ZNF385D: variants seen among roughly 807,000 people sequenced by gnomAD.
The protein encoded by ZNF385D is zinc finger protein 385D.
A neutral mutation model predicts 35.8 loss-of-function variants in ZNF385D; 15 were observed. The ratio of observed to expected loss-of-function variants is 0.42; its 90% confidence interval spans 0.28 to 0.64. The LOEUF (loss-of-function observed/expected upper bound fraction) is 0.64, where lower values mean the gene tolerates loss of function less well. Ranked by LOEUF, ZNF385D falls within the 30% of genes least tolerant of loss-of-function variation. ZNF385D has a pLI of 0.23. For synonymous variants in ZNF385D, 212 were observed against 186.8 expected, an observed-to-expected ratio of 1.13 and a Z score of -1.10; for missense variants, 474 against 494.6, an observed-to-expected ratio of 0.96 and a Z score of 0.39.
At chr3:21,964,470 A>ATTTT (rs377650103) in intron 3 of ZNF385D, among the ~76,000 whole-genome samples, 30 of 68,164 alleles carry the variant, frequency 4.4e-4, no homozygotes, top group South Asian at 1.1e-3. Flanking sequence ...AATTTCTCAG[A>ATTTT]TTTTTTTTTT....
At chr3:22,112,339 T>G (rs1326168984) in intron 3 of ZNF385D, among the ~76,000 whole-genome samples, 2 of 152,082 alleles carry the variant, frequency 1.3e-5, no homozygotes, top group Admixed American at 6.6e-5. Flanking sequence ...TGCCTAACAA[T>G]TTTAGACCAG....
chr3:21,922,435 G>C (rs1466323849), intron 3 of ZNF385D, among the ~76,000 whole-genome samples: 4 of 152,038 alleles, frequency 2.6e-5, no homozygotes, highest in Admixed American at 2.6e-4. Context: ...TGGTACAAAA[G>C]CAGATACATA....
chr3:21,731,041 T>C (rs2068973233), intron 1 of ZNF385D, among the ~76,000 whole-genome samples: 2 of 152,200 alleles, frequency 1.3e-5, no homozygotes, highest in Non-Finnish European at 2.9e-5. Context: ...ATATTCCTAT[T>C]AAAAAGCTTA....
intron 2 of ZNF385D, among the ~76,000 whole-genome samples, chr3:22,257,863 T>G (rs1476435266): frequency 6.6e-6 from 1 of 151,896 alleles, no homozygotes; most frequent in Admixed American, 6.6e-5. Flanking sequence ...CACAATTTTG[T>G]ATCAAGTTAT....
At chr3:22,060,627 A>G (rs1360928186) in intron 3 of ZNF385D, among the ~76,000 whole-genome samples, 1 of 152,136 alleles carries the variant, frequency 6.6e-6, no homozygotes, top group African/African-American at 2.4e-5. Context: ...TTCATTTTAG[A>G]TCTCACTTAA....
chr3:21,675,959 T>G (rs1433466397), intron 1 of ZNF385D, among the ~76,000 whole-genome samples: 2 of 152,106 alleles, frequency 1.3e-5, no homozygotes, highest in Non-Finnish European at 2.9e-5. Context: ...TCTAAGAACA[T>G]TCACTTGATT....
At chr3:22,154,902 G>A (rs1705490795) in intron 3 of ZNF385D, among the ~76,000 whole-genome samples, 1 of 152,058 alleles carries the variant, frequency 6.6e-6, no homozygotes, top group Admixed American at 6.6e-5. Context: ...GATATCAAAA[G>A]GAGCATGATA....
intron 3 of ZNF385D, among the ~76,000 whole-genome samples, chr3:22,023,655 C>G (rs1246317892): frequency 6.7e-6 from 1 of 149,630 alleles, no homozygotes; most frequent in African/African-American, 2.5e-5. Flanking sequence ...AGCAGCAAAG[C>G]AATGCTTTTT....
At chr3:22,257,698 T>C (rs1018526465) in intron 2 of ZNF385D, among the ~76,000 whole-genome samples, 2 of 151,876 alleles carry the variant, frequency 1.3e-5, no homozygotes, top group Admixed American at 1.3e-4. Context: ...CCACAATGCC[T>C]TTTAAATATT....
At position 21,855,004 on chromosome 3, in the gene ZNF385D, C is replaced by T. The variant is rs74733922; in HGVS notation, c.326-189976G>A. On this transcript the variant is annotated intron_variant, in intron 3 of 5. Coordinates refer to the ZNF385D transcript ENST00000494108. Reference sequence around the variant, plus strand: ...GAAAGATGTGACTGGCTGGCACTCACATCTATACAACATGATTTTTACCCA... The same window carrying T: ...GAAAGATGTGACTGGCTGGCACTCATATCTATACAACATGATTTTTACCCA... Among the ~76,000 whole-genome samples the T allele has an allele frequency of 2.0e-5, 3 of 151,992 alleles. No homozygotes were observed. The East Asian group carries it at 5.8e-4, about 30-fold the overall frequency.
intron 2 of ZNF385D, among the ~76,000 whole-genome samples, chr3:22,202,006 T>G (rs1696830123): frequency 6.6e-6 from 1 of 152,020 alleles, no homozygotes; most frequent in Non-Finnish European, 1.5e-5. Context: ...AACATTTAGT[T>G]AAGGTTTCTA....
chr3:21,586,297 T>C (rs977188385), intron 2 of ZNF385D, among the ~76,000 whole-genome samples: 1 of 152,162 alleles, frequency 6.6e-6, no homozygotes, highest in Non-Finnish European at 1.5e-5. Flanking sequence ...CATTACTGTT[T>C]TTATCTTGAA....
At chr3:21,913,007 T>G (rs1195269171) in intron 3 of ZNF385D, among the ~76,000 whole-genome samples, 2 of 152,122 alleles carry the variant, frequency 1.3e-5, no homozygotes, top group African/African-American at 4.8e-5. Context: ...AGCAAATTTT[T>G]ACTTTCTGGA....
chr3:22,180,401 T>C (rs951152446), intron 2 of ZNF385D, among the ~76,000 whole-genome samples: 3 of 152,072 alleles, frequency 2.0e-5, no homozygotes, highest in South Asian at 2.1e-4. Flanking sequence ...TTCCAATCAA[T>C]AGAAAAAGAG....
At chr3:22,111,052 C>T (rs1345683881) in intron 3 of ZNF385D, among the ~76,000 whole-genome samples, 6 of 150,994 alleles carry the variant, frequency 4.0e-5, no homozygotes, top group Non-Finnish European at 8.8e-5. Context: ...AATTAAAATG[C>T]TATTAATTCA....
intron 2 of ZNF385D, among the ~76,000 whole-genome samples, chr3:21,663,915 A>ATATATATATATATATATTTATTTATT (rs1159950305): frequency 2.6e-4 from 27 of 105,876 alleles, no homozygotes; most frequent in East Asian, 7.8e-4. Context: ...ATATATATAT[A>ATATATATATATATATATTTATTTATT]TATTTATTTA....
intron 3 of ZNF385D, among the ~76,000 whole-genome samples, chr3:21,974,395 C>T (rs954240570): frequency 1.3e-5 from 2 of 151,926 alleles, no homozygotes; most frequent in Non-Finnish European, 2.9e-5. Context: ...AACTAGACCC[C>T]CACCTCTCAC....
At chr3:21,561,955 T>G (rs2062963181) in intron 3 of ZNF385D, 1 of 152,220 alleles carries the variant, frequency 6.6e-6, no homozygotes, top group Non-Finnish European at 1.5e-5. Context: ...TGTGGTGATT[T>G]ATTTTAGCAG....
At chr3:21,446,456 A>T (rs7640908) in intron 4 of ZNF385D, among the ~76,000 whole-genome samples, 94,173 of 146,668 alleles carry the variant, frequency 0.64, 30,609 homozygotes, top group African/African-American at 0.71. Context: ...AAAATTCTTT[A>T]AAAAATTTTA....
Sources: gnomAD v4.1 joint callset for allele counts (sites outside exome capture counted in the v4.1 genomes callset) on GRCh38, gnomAD v4.1.1 for gene constraint, MANE v1.5 for transcripts, NCBI Gene and HGNC (gene_info 2026-07-23, HGNC 2026-07-21) for gene names.